The following PRKCQ variants were observed in gnomAD, a reference collection of about 807,000 sequenced individuals.
PRKCQ encodes protein kinase C theta.
PRKCQ carries 41 observed loss-of-function variants against 91.2 expected under a neutral mutation model. That is an observed-to-expected ratio of 0.45 (90% CI 0.35 to 0.58). The LOEUF is 0.58. Among genes scored for constraint, PRKCQ ranks in the 20% least tolerant of loss-of-function variants. The probability of loss-of-function intolerance (pLI) is 0.00; values close to 1 mark genes in which losing one functional copy is unlikely to be tolerated. For synonymous variants in PRKCQ, 307 were observed against 316.9 expected (o/e 0.97, Z 0.33); for missense variants, 673 against 896.5 (o/e 0.75, Z 3.18).
chr10:6,496,605 T>C (rs534670798), intron 7 of PRKCQ, among the ~76,000 whole-genome samples: 2 of 152,164 alleles, frequency 1.3e-5, no homozygotes, highest in Admixed American at 6.5e-5. Context: ...TCTGGAAAAG[T>C]AGAGCAATGA....
intron 1 of PRKCQ, among the ~76,000 whole-genome samples, chr10:6,566,832 T>A (rs1003263158): frequency 6.6e-6 from 1 of 152,044 alleles, no homozygotes; most frequent in African/African-American, 2.4e-5. Context: ...CCGGAACACT[T>A]CTCAGTCAGA....
At chr10:6,525,036 C>T (rs1839147669) in intron 1 of PRKCQ, among the ~76,000 whole-genome samples, 1 of 152,102 alleles carries the variant, frequency 6.6e-6, no homozygotes, top group South Asian at 2.1e-4. Flanking sequence ...TGTTGCCCAC[C>T]GTGGAAATCT....
rs1173411080 is a variant in PRKCQ, at chr10:6,553,513, A to AC, written c.-10+26697_-10+26698insG. On this transcript the variant is annotated intron_variant, in intron 1 of 17. Coordinates refer to ENST00000263125, the MANE Select transcript of PRKCQ (RefSeq NM_006257.5). ...TCAAAAAAAAAAAAAAAAAAAAAAA[A>AC]AAAACAAACAAACAAAAGAAGAAGA... Among the ~76,000 whole-genome samples, 58 of 87,766 alleles carry AC rather than the reference A, an allele frequency of 6.6e-4. 2 individuals carry two copies. The highest frequency in any genetic ancestry group is 2.6e-3 in the African/African-American group (55 of 20,964). 57.6% of individuals were successfully genotyped at this position (87,766 alleles called of 152,430 possible).
At chr10:6,466,101 G>T (rs964320858) in intron 12 of PRKCQ, among the ~76,000 whole-genome samples, 1 of 152,232 alleles carries the variant, frequency 6.6e-6, no homozygotes, top group South Asian at 2.1e-4. Flanking sequence ...AAGTAGTCAC[G>T]AGAGCAAAGC....
In PRKCQ at chr10:6,497,521, A is replaced by C. The variant is rs1837685929; in HGVS notation, c.543-270T>G. Among the ~76,000 whole-genome samples, 1 of 152,220 alleles carries C rather than the reference A, an allele frequency of 6.6e-6. No homozygotes were observed. The highest frequency in any genetic ancestry group is 6.5e-5 in the Admixed American group (1 of 15,286). Reference sequence around the variant, plus strand: ...TATAGAGATTAAAATGCATGAATGAAAATGCATGCATCACAGACTCTTCGT... The same window carrying C: ...TATAGAGATTAAAATGCATGAATGACAATGCATGCATCACAGACTCTTCGT... On this transcript the variant is annotated intron_variant, in intron 5 of 17. Coordinates refer to ENST00000263125, the MANE Select transcript of PRKCQ (RefSeq NM_006257.5). This position sits in a 1 kb window ranked among gnomAD's most constrained non-coding sequence, Gnocchi z 4.5.
chr10:6,481,366 G>C (rs1378784274), intron 11 of PRKCQ, among the ~76,000 whole-genome samples: 1 of 152,176 alleles, frequency 6.6e-6, no homozygotes, highest in East Asian at 1.9e-4. Flanking sequence ...CATAAACTAA[G>C]AAGCCAAAAA....
intron 4 of PRKCQ, 77 bp downstream of exon 4, chr10:6,507,359 A>C (rs1838251540): frequency 7.3e-7 from 1 of 1,366,514 alleles, no homozygotes; most frequent in African/African-American, 1.4e-5. Flanking sequence ...CAATAATTGC[A>C]AAGGTAAAAT....
chr10:6,395,230 A>AC, the PRKCQ span, among the ~76,000 whole-genome samples: 3 of 151,766 alleles, frequency 2.0e-5, no homozygotes, highest in Non-Finnish European at 4.4e-5. Context: ...TGCCCGGCTA[A>AC]TTTTTTGTAC....
intron 1 of PRKCQ, among the ~76,000 whole-genome samples, chr10:6,534,097 T>A (rs201044316): frequency 0.019 from 2,838 of 152,188 alleles, 91 homozygotes; most frequent in African/African-American, 0.065. Flanking sequence ...TTTAATTATT[T>A]AATATCATTA....
intron 15 of PRKCQ, among the ~76,000 whole-genome samples, chr10:6,446,876 C>G (rs1010228845): frequency 6.6e-6 from 1 of 152,164 alleles, no homozygotes; most frequent in African/African-American, 2.4e-5. Flanking sequence ...TTTCACCGAA[C>G]GACGCCAGAG....
chr10:6,419,765 T>G, the PRKCQ span, among the ~76,000 whole-genome samples: 99 of 150,664 alleles, frequency 6.6e-4, no homozygotes, highest in African/African-American at 2.4e-3. Context: ...CTTGGCTCAT[T>G]GCAATCTCCA....
chr10:6,500,430 CAT>C (rs1251304016), intron 4 of PRKCQ, among the ~76,000 whole-genome samples: 5 of 150,710 alleles, frequency 3.3e-5, no homozygotes, highest in East Asian at 1.9e-4. Flanking sequence ...TGTTTATATA[CAT>C]ATATGTCTAC....
chr10:6,571,065 G>T (rs1054873225), intron 1 of PRKCQ, among the ~76,000 whole-genome samples: 3 of 152,108 alleles, frequency 2.0e-5, no homozygotes, highest in Non-Finnish European at 4.4e-5. Flanking sequence ...CCGTGGGAAG[G>T]AAGATCATTG....
At chr10:6,467,321 CAGAG>C (rs1352090395) in intron 12 of PRKCQ, among the ~76,000 whole-genome samples, 3 of 97,412 alleles carry the variant, frequency 3.1e-5, no homozygotes, top group East Asian at 3.2e-4. Flanking sequence ...GAGAGAGAGA[CAGAG>C]AGAGACAGAC....
intron 15 of PRKCQ, among the ~76,000 whole-genome samples, chr10:6,454,388 G>T (rs1834895536): frequency 6.6e-6 from 1 of 152,118 alleles, no homozygotes; most frequent in South Asian, 2.1e-4. Context: ...AGGACCTGGA[G>T]ATCTGGGCGG....
the PRKCQ span, among the ~76,000 whole-genome samples, chr10:6,405,757 T>C: frequency 1.3e-5 from 2 of 152,224 alleles, no homozygotes; most frequent in African/African-American, 4.8e-5. Flanking sequence ...AGCTGATTGC[T>C]GCTACTGGAA....
chr10:6,510,966 T>C (rs745780244), intron 3 of PRKCQ, 29 bp downstream of exon 3: 1 of 1,612,804 alleles, frequency 6.2e-7, no homozygotes, highest in South Asian at 1.1e-5. Context: ...TGCTTATCCC[T>C]TATGTGCATA....
chr10:6,464,973 G>A (rs1348903252), intron 12 of PRKCQ, among the ~76,000 whole-genome samples: 3 of 152,080 alleles, frequency 2.0e-5, no homozygotes, highest in African/African-American at 4.8e-5. Flanking sequence ...GCAGATGAGC[G>A]GGGGGCACAA....
intron 1 of PRKCQ, among the ~76,000 whole-genome samples, chr10:6,537,125 T>C (rs1839613221): frequency 6.6e-6 from 1 of 152,186 alleles, no homozygotes; most frequent in Non-Finnish European, 1.5e-5. Context: ...TTGACTCCTC[T>C]TGTTGGTTTT....
Sources: gnomAD v4.1 joint callset for allele counts (sites outside exome capture counted in the v4.1 genomes callset) on GRCh38, gnomAD v4.1.1 for gene constraint, Gnocchi (gnomAD v3.1) non-coding constraint, MANE v1.5 for transcripts, NCBI Gene and HGNC (gene_info 2026-07-23, HGNC 2026-07-21) for gene names.